The following VPS54 variants were observed in gnomAD, a reference collection of about 807,000 sequenced individuals.
The protein encoded by VPS54 is VPS54 subunit of GARP complex, also known as vacuolar protein sorting-associated protein 54.
A neutral mutation model predicts 121.5 loss-of-function variants in VPS54; 45 were observed. The observed-to-expected ratio is 0.37, with a 90% confidence interval of 0.29 to 0.47. The LOEUF is 0.47. VPS54 is among the 20% of genes least tolerant of loss of function. The pLI is 0.99. For synonymous variants in VPS54, 371 were observed against 385.8 expected (o/e 0.96, Z 0.45); for missense variants, 1,090 against 1,131.4 (o/e 0.96, Z 0.52).
At chr2:63,915,185 C>T (rs974457935) in intron 16 of VPS54, among the ~76,000 whole-genome samples, 17 of 145,848 alleles carry the variant, frequency 1.2e-4, no homozygotes, top group African/African-American at 3.9e-4. Flanking sequence ...AAAAGTTTTC[C>T]GAAGATGATA....
chr2:63,908,198 A>C (rs1672985902), intron 20 of VPS54, among the ~76,000 whole-genome samples: 1 of 152,242 alleles, frequency 6.6e-6, no homozygotes, highest in African/African-American at 2.4e-5. Context: ...GGATAAACAA[A>C]TAGCAGTGAA....
chr2:63,974,909 T>G (rs995381261), intron 3 of VPS54: 2 of 1,406,946 alleles, frequency 1.4e-6, no homozygotes, highest in Admixed American at 4.9e-5. Flanking sequence ...TTTATATATT[T>G]TATTTCCTTT....
intron 7 of VPS54, among the ~76,000 whole-genome samples, chr2:63,961,483 T>C (rs1435891079): frequency 6.6e-6 from 1 of 151,590 alleles, no homozygotes; most frequent in Non-Finnish European, 1.5e-5. Context: ...GCCTGCTTAA[T>C]GGAACGAAAT....
At chr2:63,980,900 T>C (rs774431759) in intron 3 of VPS54, among the ~76,000 whole-genome samples, 25 of 151,880 alleles carry the variant, frequency 1.6e-4, no homozygotes, top group Non-Finnish European at 1.2e-4. Flanking sequence ...CAAAGGCAAA[T>C]AAAATATATA....
chr2:63,963,147 G>A (rs1294231196), intron 6 of VPS54, among the ~76,000 whole-genome samples: 6 of 151,720 alleles, frequency 4.0e-5, no homozygotes, highest in African/African-American at 1.5e-4. Flanking sequence ...ATTTTTTTCA[G>A]GCTGCTTATT....
intron 3 of VPS54, 121 bp downstream of exon 3, chr2:63,981,525 A>G: frequency 8.9e-7 from 1 of 1,121,490 alleles, no homozygotes; most frequent in East Asian, 2.5e-5. Context: ...TACAATTTGT[A>G]TGAACGAAAA....
intron 1 of VPS54, among the ~76,000 whole-genome samples, chr2:64,014,204 T>C (rs185175942): frequency 6.0e-4 from 91 of 152,200 alleles, no homozygotes; most frequent in Middle Eastern, 3.4e-3. Context: ...GAAAAACCCT[T>C]CAAATACACA....
chr2:63,924,088 G>C (rs1673779591), intron 12 of VPS54, among the ~76,000 whole-genome samples: 1 of 152,164 alleles, frequency 6.6e-6, no homozygotes, highest in Non-Finnish European at 1.5e-5. Context: ...AGCCAGAGAA[G>C]GTTCAATGTA....
chr2:63,977,754 A>C (rs577798821), intron 3 of VPS54, among the ~76,000 whole-genome samples: 56 of 152,346 alleles, frequency 3.7e-4, no homozygotes, highest in Middle Eastern at 3.4e-3. Context: ...TCTGGTATGC[A>C]CTGTAATGTT....
At chr2:63,898,213 T>A (rs1672524214) in intron 21 of VPS54, among the ~76,000 whole-genome samples, 1 of 152,092 alleles carries the variant, frequency 6.6e-6, no homozygotes, top group Non-Finnish European at 1.5e-5. Context: ...ATAAAACACA[T>A]GAAGTACCTG....
chr2:63,898,970 T>G (rs1672555780), intron 21 of VPS54, among the ~76,000 whole-genome samples: 1 of 151,826 alleles, frequency 6.6e-6, no homozygotes, highest in Non-Finnish European at 1.5e-5. Flanking sequence ...TGTCAAAGAC[T>G]CCCCCACCCT....
chr2:63,961,729 G>GTAT (rs1205690574), intron 7 of VPS54, among the ~76,000 whole-genome samples: 2 of 151,936 alleles, frequency 1.3e-5, no homozygotes, highest in Non-Finnish European at 2.9e-5. Context: ...AAATATGCTG[G>GTAT]TATTCTCTCC....
intron 3 of VPS54, among the ~76,000 whole-genome samples, chr2:63,976,816 A>G (rs1575980323): frequency 7.7e-6 from 1 of 129,096 alleles, no homozygotes; most frequent in Non-Finnish European, 1.6e-5. Context: ...CTAGTAGCTT[A>G]TATCTTCTCT....
chr2:63,968,876 A>C, intron 5 of VPS54, 81 bp downstream of exon 5: 2 of 1,289,742 alleles, frequency 1.6e-6, no homozygotes, highest in Admixed American at 4.4e-5. Context: ...AAAAAAAAAA[A>C]AGCCAAATGA....
In VPS54 at chr2:63,968,366, A is replaced by G. The variant is rs112252137; in HGVS notation, c.492+591T>C. Among the ~76,000 whole-genome samples, 81 of 147,708 alleles carry G rather than the reference A, an allele frequency of 5.5e-4. 1 individual carries two copies. The highest frequency in any genetic ancestry group is 2.1e-4 in the South Asian group (1 of 4,658). On this transcript the variant is annotated intron_variant, in intron 5 of 22. Coordinates refer to ENST00000272322, the MANE Select transcript of VPS54 (RefSeq NM_016516.3). ...GATGCAAAAGAGAAAAAACACCATAAATATACATCATTTTTATTTGTCAAT... is the reference window on the plus strand; with the variant it reads ...GATGCAAAAGAGAAAAAACACCATAGATATACATCATTTTTATTTGTCAAT...
chr2:64,016,170 G>A (rs1678680795), intron 1 of VPS54, among the ~76,000 whole-genome samples: 2 of 152,134 alleles, frequency 1.3e-5, no homozygotes, highest in Non-Finnish European at 2.9e-5. Flanking sequence ...AATATTCAAT[G>A]ACAAAAATGC....
At chr2:63,953,136 T>C (rs1375994054) in intron 7 of VPS54, among the ~76,000 whole-genome samples, 1 of 147,252 alleles carries the variant, frequency 6.8e-6, no homozygotes, top group Non-Finnish European at 1.5e-5. Flanking sequence ...ATTTTTTTTT[T>C]TTTTTTTTTT....
intron 22 of VPS54, among the ~76,000 whole-genome samples, chr2:63,894,863 T>C (rs1672379722): frequency 1.3e-5 from 2 of 152,276 alleles, no homozygotes; most frequent in Admixed American, 1.3e-4. Flanking sequence ...GCACTACATA[T>C]TTTTCATAAA....
intron 1 of VPS54, among the ~76,000 whole-genome samples, chr2:64,013,540 A>T (rs1678526278): frequency 6.8e-6 from 1 of 146,666 alleles, no homozygotes; most frequent in Non-Finnish European, 1.5e-5. Flanking sequence ...TTATTAAGTA[A>T]ATGCTGATAT....
Sources: gnomAD v4.1 joint callset for allele counts (sites outside exome capture counted in the v4.1 genomes callset) on GRCh38, gnomAD v4.1.1 for gene constraint, MANE v1.5 for transcripts, NCBI Gene and HGNC (gene_info 2026-07-23, HGNC 2026-07-21) for gene names.